The following IFT70A variants were observed in gnomAD, a reference collection of about 807,000 sequenced individuals.
IFT70A encodes intraflagellar transport protein 70A.
At chr2:177,618,701 T>C in the IFT70A span, 2 of 1,568,596 alleles carry the variant, frequency 1.3e-6, no homozygotes, top group South Asian at 2.4e-5. Context: ...AGACCAGCCA[T>C]AACCACCACG....
chr2:177,613,461 C>A, the IFT70A span: 1 of 152,138 alleles, frequency 6.6e-6, no homozygotes. Flanking sequence ...TTTATATTCA[C>A]AAAAGTACAT....
At chr2:177,614,946 A>G in the IFT70A span, 5 of 152,116 alleles carry the variant, frequency 3.3e-5, no homozygotes, top group African/African-American at 9.7e-5. Flanking sequence ...TTCTCCTTGT[A>G]TTAAATAAAA....
At chr2:177,616,130 C>G in the IFT70A span, 1 of 152,200 alleles carries the variant, frequency 6.6e-6, no homozygotes, top group Admixed American at 6.5e-5. Context: ...TCCCATTATA[C>G]TTGTACTTCT....
the IFT70A span, chr2:177,616,888 T>G: frequency 9.4e-6 from 15 of 1,594,384 alleles, no homozygotes; most frequent in African/African-American, 2.0e-4. Context: ...AACACTGTCA[T>G]GAATGACTAT....
chr2:177,617,961 C>G, the IFT70A span: 2 of 1,614,026 alleles, frequency 1.2e-6, no homozygotes, highest in Admixed American at 3.3e-5. Flanking sequence ...CCAGAGCAGT[C>G]TGATGGAGAA....
At chr2:177,618,471 T>C in the IFT70A span, 2 of 1,593,110 alleles carry the variant, frequency 1.3e-6, no homozygotes, top group East Asian at 2.3e-5. Context: ...ACTGCTCCAG[T>C]TCCGGGTGCA....
At chr2:177,618,668 C>G in the IFT70A span, 1 of 1,598,532 alleles carries the variant, frequency 6.3e-7, no homozygotes, top group South Asian at 1.1e-5. Context: ...GTAAACTCCC[C>G]GTCGGGGATC....
chr2:177,614,068 G>C, the IFT70A span: 2 of 152,118 alleles, frequency 1.3e-5, no homozygotes, highest in African/African-American at 4.8e-5. Context: ...ACGGATTTCA[G>C]TATGTGGTGG....
chr2:177,617,632 T>C, the IFT70A span: 5 of 1,614,240 alleles, frequency 3.1e-6, no homozygotes, highest in Non-Finnish European at 4.2e-6. Flanking sequence ...GTCATAGAGA[T>C]AGGGTGTGAG....
At chr2:177,617,303 C>G in the IFT70A span, 2 of 1,584,104 alleles carry the variant, frequency 1.3e-6, no homozygotes, top group East Asian at 2.2e-5. Context: ...ATGAACAGAA[C>G]ATGAGCCACA....
the IFT70A span, chr2:177,616,639 A>G: frequency 7.3e-7 from 1 of 1,367,478 alleles, no homozygotes; most frequent in South Asian, 1.6e-5. Flanking sequence ...CCAAGGCTAA[A>G]TACAGATAAA....
chr2:177,615,734 T>C, the IFT70A span: 1 of 152,126 alleles, frequency 6.6e-6, no homozygotes, highest in Non-Finnish European at 1.5e-5. Context: ...ATGTTACAGC[T>C]AAAAGTAATT....
chr2:177,614,947 T>A, the IFT70A span: 2 of 152,150 alleles, frequency 1.3e-5, no homozygotes, highest in Non-Finnish European at 2.9e-5. Flanking sequence ...TCTCCTTGTA[T>A]TAAATAAAAC....
the IFT70A span, chr2:177,617,010 A>C: frequency 3.1e-6 from 5 of 1,613,488 alleles, no homozygotes; most frequent in Admixed American, 3.3e-5. Flanking sequence ...TAACTCGAGA[A>C]ATACCAAACT....
the IFT70A span, chr2:177,618,307 G>C: frequency 1.2e-6 from 2 of 1,613,994 alleles, no homozygotes; most frequent in African/African-American, 2.7e-5. Flanking sequence ...CAGGCTCCTG[G>C]ACCCTGGCAG....
At chr2:177,616,575 TA>T in the IFT70A span, 2 of 893,406 alleles carry the variant, frequency 2.2e-6, no homozygotes, top group Non-Finnish European at 3.2e-6. Flanking sequence ...TGCTCAAACA[TA>T]AACTTGTTCT....
chr2:177,617,970 A>G, the IFT70A span: 127,746 of 1,613,888 alleles, frequency 0.079, 6,780 homozygotes, highest in East Asian at 0.22. Context: ...TCTGATGGAG[A>G]ACTAAGGTGT....
the IFT70A span, chr2:177,618,208 T>C: frequency 6.2e-7 from 1 of 1,614,262 alleles, no homozygotes; most frequent in Non-Finnish European, 8.5e-7. Context: ...TCCCTCCTTG[T>C]AGAGCAAACA....
At chr2:177,618,058 A>T in the IFT70A span, 1 of 1,614,238 alleles carries the variant, frequency 6.2e-7, no homozygotes, top group African/African-American at 1.3e-5. Flanking sequence ...GCCACGCTCA[A>T]TAATCTCAGC....
Sources: allele counts gnomAD v4.1 joint callset, GRCh38; gene constraint gnomAD v4.1.1; transcripts MANE v1.5; gene names NCBI Gene and HGNC (gene_info 2026-07-23, HGNC 2026-07-21).